EPHA4: variants seen among roughly 807,000 people sequenced by gnomAD.
EPHA4 encodes the protein EPH receptor A4, also known as ephrin type-A receptor 4.
Under a neutral mutation model 108.3 loss-of-function variants are expected in EPHA4, and 19 were observed. The ratio of observed to expected loss-of-function variants is 0.18; its 90% CI spans 0.12 to 0.26. The LOEUF (loss-of-function observed/expected upper bound fraction) is 0.26, where lower values mean the gene tolerates loss of function less well. EPHA4 is among the 10% of genes least tolerant of loss of function. EPHA4 has a pLI of 1.00. For synonymous variants in EPHA4, 449 were observed against 455.5 expected (o/e 0.99, Z 0.18); for missense variants, 917 against 1,254.0 (o/e 0.73, Z 4.06).
chr2:221,541,803 G>A (rs1347003208), intron 3 of EPHA4, among the ~76,000 whole-genome samples: 1 of 152,142 alleles, frequency 6.6e-6, no homozygotes, highest in African/African-American at 2.4e-5. Flanking sequence ...TTTATACTTT[G>A]TACATTACAA....
At chr2:221,553,708 T>C (rs1364336238) in intron 3 of EPHA4, among the ~76,000 whole-genome samples, 2 of 152,226 alleles carry the variant, frequency 1.3e-5, no homozygotes, top group Non-Finnish European at 2.9e-5. Flanking sequence ...ATGGAACCTT[T>C]TTCGCCTTGC....
chr2:221,449,309 T>C (rs892200435), intron 8 of EPHA4, among the ~76,000 whole-genome samples: 1 of 152,160 alleles, frequency 6.6e-6, no homozygotes, highest in Admixed American at 6.5e-5. Context: ...CCCATTGAAG[T>C]TCACCACTGG....
chr2:221,539,429 A>G (rs1693765189), intron 3 of EPHA4, among the ~76,000 whole-genome samples: 1 of 152,170 alleles, frequency 6.6e-6, no homozygotes, highest in Non-Finnish European at 1.5e-5. Flanking sequence ...AAGGAACGCA[A>G]TCAAAATGCT....
chr2:221,548,272 G>A (rs992179842), intron 3 of EPHA4, among the ~76,000 whole-genome samples: 8 of 152,108 alleles, frequency 5.3e-5, no homozygotes, highest in East Asian at 1.9e-4. Context: ...CAGGGGAATC[G>A]CTTGAACTGG....
chr2:221,464,444 G>A (rs776732280), intron 5 of EPHA4, among the ~76,000 whole-genome samples: 6 of 152,136 alleles, frequency 3.9e-5, no homozygotes, highest in South Asian at 2.1e-4. Flanking sequence ...AGGGTTTCGC[G>A]TCTCTGAGAT....
intron 3 of EPHA4, among the ~76,000 whole-genome samples, chr2:221,561,612 G>A (rs1694468086): frequency 6.6e-6 from 1 of 152,144 alleles, no homozygotes; most frequent in African/African-American, 2.4e-5. Flanking sequence ...CTTCGAGGAC[G>A]CACGTGATTA....
intron 5 of EPHA4, among the ~76,000 whole-genome samples, chr2:221,472,019 T>C (rs1255933591): frequency 6.6e-6 from 1 of 152,138 alleles, no homozygotes; most frequent in Non-Finnish European, 1.5e-5. Context: ...GGGAACCCTA[T>C]AGGATTGGGA....
chr2:221,425,550 C>T lies in EPHA4; in HGVS notation c.*478G>A, dbSNP rs948476926. The stretch of plus-strand genomic sequence containing the variant: ...CTTTTTTTTCCCCCATGGTATGAAC[C>T]AAGCCCTAAAAGCCACAGCTGAGTC... On this transcript the variant is annotated 3_prime_UTR_variant, in exon 17 of 18. Transcript: ENST00000281821. 6.5e-6 allele frequency: 1 copy of T among 154,414 alleles called. No homozygotes were observed. The highest frequency in any genetic ancestry group is 2.4e-5 in the African/African-American group (1 of 41,422). The allele number at this position is 154,414 out of a possible 1,614,324, so 9.6% of individuals were successfully genotyped here.
Position 221,425,911 on chromosome 2 carries a change from T to G in EPHA4, c.*117A>C, listed in dbSNP as rs1389223814. ...GCAACGCTGCAGATATTGTTTTTTT[T>G]TTTCATTTCTTTAATTTCAGAGGGC... On this transcript the variant is annotated 3_prime_UTR_variant, in exon 17 of 18. Coordinates refer to ENST00000281821, the MANE Select transcript of EPHA4 (RefSeq NM_004438.5). 4.6e-6 allele frequency: 4 copies of G among 863,278 alleles called. No homozygotes were observed. The Admixed American group carries it at 8.7e-5, about 19-fold the overall frequency. The allele number at this position is 863,278 out of a possible 1,614,324, so 53.5% of individuals were successfully genotyped here. A position where few individuals can be genotyped will look rare whatever the true frequency, so the allele number is the denominator to read the frequency against.
intron 5 of EPHA4, among the ~76,000 whole-genome samples, chr2:221,477,095 G>T (rs1345932396): frequency 6.6e-6 from 1 of 151,592 alleles, no homozygotes; most frequent in Non-Finnish European, 1.5e-5. Context: ...ATGCTTAATT[G>T]TCCAACCCTA....
intron 5 of EPHA4, among the ~76,000 whole-genome samples, chr2:221,470,340 G>GGGA (rs1553574441): frequency 1.4e-5 from 2 of 147,942 alleles, no homozygotes; most frequent in African/African-American, 5.0e-5. Context: ...AGGGCGGGGG[G>GGGA]GAGAGAGAGA....
At chr2:221,458,020 A>G in intron 5 of EPHA4, 30 bp from the exon 6 acceptor site, 1 of 1,593,058 alleles carries the variant, frequency 6.3e-7, no homozygotes, top group Non-Finnish European at 8.5e-7. Context: ...GACAAAAGAT[A>G]TTTTCTTTAG....
At chr2:221,568,443 G>C (rs1443772328) in intron 2 of EPHA4, among the ~76,000 whole-genome samples, 1 of 151,982 alleles carries the variant, frequency 6.6e-6, no homozygotes, top group African/African-American at 2.4e-5. Flanking sequence ...ATTTCCTGTT[G>C]GTATTTTAGT....
intron 5 of EPHA4, among the ~76,000 whole-genome samples, chr2:221,459,456 G>A (rs950531818): frequency 2.6e-5 from 4 of 151,962 alleles, no homozygotes; most frequent in Non-Finnish European, 4.4e-5. Flanking sequence ...AGTGAACAAA[G>A]CTGCATGCGG....
chr2:221,483,963 T>C (rs1691905700), intron 4 of EPHA4, among the ~76,000 whole-genome samples: 1 of 152,200 alleles, frequency 6.6e-6, no homozygotes, highest in Non-Finnish European at 1.5e-5. Context: ...AGTTTGACAG[T>C]TGGAAAGCTA....
intron 13 of EPHA4, among the ~76,000 whole-genome samples, chr2:221,434,871 AAGG>A (rs1418978522): frequency 1.4e-5 from 2 of 147,476 alleles, no homozygotes; most frequent in Non-Finnish European, 3.0e-5. Flanking sequence ...TTAATGGAGT[AAGG>A]GCAGGATATT....
intron 14 of EPHA4, among the ~76,000 whole-genome samples, chr2:221,431,917 T>G (rs1690088468): frequency 6.6e-6 from 1 of 152,174 alleles, no homozygotes; most frequent in Non-Finnish European, 1.5e-5. Context: ...TTACTTTCAC[T>G]CCATTTACCA....
intron 3 of EPHA4, among the ~76,000 whole-genome samples, chr2:221,536,043 T>C (rs966594868): frequency 6.6e-6 from 1 of 152,222 alleles, no homozygotes; most frequent in East Asian, 1.9e-4. Context: ...CCAGCTTTAT[T>C]TAACTACAGT....
intron 5 of EPHA4, 106 bp downstream of exon 5, chr2:221,482,246 G>T: frequency 8.5e-7 from 1 of 1,171,448 alleles, no homozygotes; most frequent in Non-Finnish European, 1.2e-6. Flanking sequence ...CAGCTCCCAG[G>T]CTTGATTGAT....
Sources: gnomAD v4.1 joint callset for allele counts (sites outside exome capture counted in the v4.1 genomes callset) on GRCh38, gnomAD v4.1.1 for gene constraint, MANE v1.5 for transcripts, NCBI Gene and HGNC (gene_info 2026-07-23, HGNC 2026-07-21) for gene names.